Variants in CDH13 observed in about 807,000 individuals in gnomAD.
CDH13 encodes cadherin 13.
Under a neutral mutation model 63.8 loss-of-function variants are expected in CDH13, and 24 were observed. The observed-to-expected ratio is 0.38, with a 90% CI of 0.27 to 0.53. The LOEUF is 0.53. CDH13 is among the 20% of genes least tolerant of loss of function. The pLI, the probability that CDH13 is intolerant of heterozygous loss-of-function variation, is 0.85. For missense variants in CDH13, 1,049 were observed against 903.1 expected (o/e 1.16, Z -2.07); for synonymous variants, 503 against 355.3 (o/e 1.42, Z -4.67).
intron 1 of CDH13, among the ~76,000 whole-genome samples, chr16:82,642,727 A>T (rs1158066676): frequency 6.6e-6 from 1 of 152,222 alleles, no homozygotes; most frequent in African/African-American, 2.4e-5. Flanking sequence ...TGGCAGTAAT[A>T]GTAGCTGATA....
At chr16:83,584,973 C>T (rs758363192) in intron 7 of CDH13, among the ~76,000 whole-genome samples, 2 of 152,080 alleles carry the variant, frequency 1.3e-5, no homozygotes, top group Non-Finnish European at 2.9e-5. Flanking sequence ...GGGGTGGCAC[C>T]AATGAAAGCT....
chr16:82,722,752 G>T (rs933880624), intron 1 of CDH13, among the ~76,000 whole-genome samples: 1 of 152,156 alleles, frequency 6.6e-6, no homozygotes, highest in Non-Finnish European at 1.5e-5. Context: ...GTTCAGGAGT[G>T]AATAATTCAG....
intron 1 of CDH13, among the ~76,000 whole-genome samples, chr16:82,791,866 C>A (rs1366368637): frequency 6.6e-6 from 1 of 152,180 alleles, no homozygotes. Context: ...AGGTTCCATT[C>A]CCTGGAATTC....
At chr16:83,072,571 T>C (rs2151544960) in intron 3 of CDH13, among the ~76,000 whole-genome samples, 1 of 152,300 alleles carries the variant, frequency 6.6e-6, no homozygotes, top group African/African-American at 2.4e-5. Flanking sequence ...GATCACAAAC[T>C]TGAAGTCAGA....
chr16:83,043,474 A>G (rs185774881), intron 3 of CDH13, among the ~76,000 whole-genome samples: 3 of 149,416 alleles, frequency 2.0e-5, no homozygotes, highest in Admixed American at 1.4e-4. Context: ...TAATTTATAT[A>G]ATAACTGTAT....
chr16:83,372,817 C>T (rs559175195), intron 6 of CDH13, among the ~76,000 whole-genome samples: 1 of 149,320 alleles, frequency 6.7e-6, no homozygotes, highest in Non-Finnish European at 1.5e-5. Flanking sequence ...TCTCTGCTTT[C>T]TGTGGGGAAA....
At chr16:83,080,436 C>A (rs1170848906) in intron 3 of CDH13, among the ~76,000 whole-genome samples, 1 of 152,126 alleles carries the variant, frequency 6.6e-6, no homozygotes, top group East Asian at 1.9e-4. Context: ...TACGTTCTAT[C>A]CTCCTCCTCC....
chr16:83,322,328 G>C (rs1401350128), intron 5 of CDH13, among the ~76,000 whole-genome samples: 2 of 152,190 alleles, frequency 1.3e-5, no homozygotes, highest in East Asian at 3.9e-4. Flanking sequence ...TGCTTCAGTG[G>C]TTATGGAGCA....
chr16:83,013,020 A>G (rs13330168), intron 2 of CDH13, among the ~76,000 whole-genome samples: 394 of 152,326 alleles, frequency 2.6e-3, no homozygotes, highest in African/African-American at 9.1e-3. Flanking sequence ...TACACTGTGG[A>G]TGAGTTTACT....
intron 3 of CDH13, among the ~76,000 whole-genome samples, chr16:83,080,884 T>TG (rs2033198399): frequency 8.4e-6 from 1 of 119,740 alleles, no homozygotes; most frequent in Admixed American, 8.7e-5. Flanking sequence ...TTTTTTTTTT[T>TG]TTTTTTTTTT....
At chr16:83,575,755 G>A (rs975475417) in intron 7 of CDH13, among the ~76,000 whole-genome samples, 7 of 152,118 alleles carry the variant, frequency 4.6e-5, no homozygotes, top group African/African-American at 9.7e-5. Flanking sequence ...CATTGCACCC[G>A]AACCTCTTCA....
chr16:83,030,277 C>G (rs1159915531), intron 2 of CDH13, among the ~76,000 whole-genome samples: 1 of 152,152 alleles, frequency 6.6e-6, no homozygotes, highest in African/African-American at 2.4e-5. Context: ...GGTCTCTTGG[C>G]CTCTCTTCCT....
chr16:82,717,663 C>T (rs536817140), intron 1 of CDH13, among the ~76,000 whole-genome samples: 15 of 152,122 alleles, frequency 9.9e-5, no homozygotes, highest in Non-Finnish European at 2.2e-4. Context: ...TATTCCTCTG[C>T]CCCCCTCTTA....
chr16:83,111,537 C>G (rs900820685), intron 3 of CDH13, among the ~76,000 whole-genome samples: 2 of 152,186 alleles, frequency 1.3e-5, no homozygotes, highest in East Asian at 1.9e-4. Context: ...GAGAGAGTTG[C>G]TGACTCTTCA....
At chr16:83,137,524 T>C (rs1419759413) in intron 4 of CDH13, among the ~76,000 whole-genome samples, 1 of 152,218 alleles carries the variant, frequency 6.6e-6, no homozygotes, top group Non-Finnish European at 1.5e-5. Context: ...ACGGCTTTCT[T>C]TGTCTGGCAA....
At chr16:83,427,075 C>T (rs1030951284) in intron 6 of CDH13, among the ~76,000 whole-genome samples, 2 of 151,460 alleles carry the variant, frequency 1.3e-5, no homozygotes, top group Admixed American at 6.6e-5. Flanking sequence ...TACAGGCGCC[C>T]GCCACCCCGC....
Position 83,709,915 on chromosome 16 carries a change from A to G in CDH13, c.1538+31454A>G, listed in dbSNP as rs570854754. ...TCTAGTCATTGGATTTGTAGAAAGA[A>G]CAGAGATATTTAAGAAACATTATTC... On this transcript the variant is annotated intron_variant, in intron 10 of 13. Transcript: ENST00000567109. Among the ~76,000 whole-genome samples, 151 of 152,364 alleles carry G rather than the reference A, an allele frequency of 9.9e-4. 2 individuals are homozygous for G. Among genetic ancestry groups the G allele is most frequent in the African/African-American group, 3.5e-3 (145 of 41,590 alleles).
intron 13 of CDH13, among the ~76,000 whole-genome samples, chr16:83,790,910 T>A (rs1470358216): frequency 6.6e-6 from 1 of 152,204 alleles, no homozygotes; most frequent in Non-Finnish European, 1.5e-5. Flanking sequence ...TTAACCAGTA[T>A]TAGCAAGAAT....
At chr16:83,381,850 GCTC>G (rs1298957514) in intron 6 of CDH13, among the ~76,000 whole-genome samples, 1 of 152,032 alleles carries the variant, frequency 6.6e-6, no homozygotes, top group Non-Finnish European at 1.5e-5. Flanking sequence ...CTAACAAGTT[GCTC>G]CTTATACTTG....
Sources: gnomAD v4.1 joint callset for allele counts (sites outside exome capture counted in the v4.1 genomes callset) on GRCh38, gnomAD v4.1.1 for gene constraint, MANE v1.5 for transcripts, NCBI Gene and HGNC (gene_info 2026-07-23, HGNC 2026-07-21) for gene names.